LIN7A: variants seen among roughly 807,000 people sequenced by gnomAD.
The protein encoded by LIN7A is protein lin-7 homolog A.
A neutral mutation model predicts 29.8 loss-of-function variants in LIN7A; 25 were observed. That is an observed-to-expected ratio of 0.84 (90% confidence interval 0.61 to 1.17). The LOEUF is 1.17. Ranked by LOEUF, LIN7A falls within the 50% of genes most tolerant of loss-of-function variation. The pLI is 0.00. For missense variants in LIN7A, 239 were observed against 287.0 expected (o/e 0.83, Z 1.21); for synonymous variants, 118 against 107.5 (o/e 1.10, Z -0.60).
intron 4 of LIN7A, among the ~76,000 whole-genome samples, chr12:80,828,971 A>T (rs1271083564): frequency 6.6e-6 from 1 of 152,160 alleles, no homozygotes; most frequent in Non-Finnish European, 1.5e-5. Flanking sequence ...TTCCACACTG[A>T]ATTATTTAAA....
At chr12:80,801,392 G>A (rs1870714559) in intron 5 of LIN7A, among the ~76,000 whole-genome samples, 1 of 152,160 alleles carries the variant, frequency 6.6e-6, no homozygotes, top group Admixed American at 6.6e-5. Flanking sequence ...TACTCGTTTT[G>A]AAGATGGAGG....
chr12:80,893,246 A>G (rs1432270974), intron 1 of LIN7A, among the ~76,000 whole-genome samples: 1 of 152,226 alleles, frequency 6.6e-6, no homozygotes, highest in South Asian at 2.1e-4. Context: ...AAAAGCCCAC[A>G]GATGACAGCA....
intron 1 of LIN7A, among the ~76,000 whole-genome samples, chr12:80,903,092 GACAA>G (rs1248663743): frequency 6.6e-6 from 1 of 151,144 alleles, no homozygotes; most frequent in Non-Finnish European, 1.5e-5. Context: ...AGCTATCTAT[GACAA>G]ACAGACTAGC....
At chr12:80,926,155 G>T (rs904941406) in intron 1 of LIN7A, among the ~76,000 whole-genome samples, 1 of 152,062 alleles carries the variant, frequency 6.6e-6, no homozygotes, top group African/African-American at 2.4e-5. Context: ...TTGCTCTCTG[G>T]AATCATACTA....
At chr12:80,853,383 A>G (rs905162449) in intron 2 of LIN7A, among the ~76,000 whole-genome samples, 2 of 152,198 alleles carry the variant, frequency 1.3e-5, no homozygotes, top group African/African-American at 2.4e-5. Context: ...AAATGAAAAG[A>G]CAAGCCAACT....
At chr12:80,848,736 G>A (rs1726855399) in intron 2 of LIN7A, among the ~76,000 whole-genome samples, 1 of 152,026 alleles carries the variant, frequency 6.6e-6, no homozygotes, top group African/African-American at 2.4e-5. Context: ...AATAGTATAC[G>A]TAAAAATTTA....
At chr12:80,807,083 T>TTTTTTTTTTTTTTTTTTTTTTG (rs1555221413) in intron 5 of LIN7A, among the ~76,000 whole-genome samples, 2 of 137,206 alleles carry the variant, frequency 1.5e-5, no homozygotes, top group Non-Finnish European at 3.1e-5. Flanking sequence ...TTTTTTTTTT[T>TTTTTTTTTTTTTTTTTTTTTTG]TTTTTTTTGA....
intron 2 of LIN7A, 61 bp downstream of exon 2, chr12:80,889,190 A>T: frequency 1.1e-6 from 1 of 883,876 alleles, no homozygotes; most frequent in Non-Finnish European, 1.9e-6. Context: ...TGTAGAGAAG[A>T]CATGTTTTCT....
At chr12:80,854,340 T>C (rs10862204) in intron 2 of LIN7A, among the ~76,000 whole-genome samples, 11,640 of 152,016 alleles carry the variant, frequency 0.077, 610 homozygotes, top group East Asian at 0.21. Context: ...CTTGGGAGCC[T>C]GAGGCAGGAG....
chr12:80,865,069 T>A (rs1435005787), intron 2 of LIN7A, among the ~76,000 whole-genome samples: 1 of 152,206 alleles, frequency 6.6e-6, no homozygotes, highest in African/African-American at 2.4e-5. Flanking sequence ...TGGAGATAAT[T>A]GTCAGCATAG....
chr12:80,875,438 C>A (rs187258118), intron 2 of LIN7A, among the ~76,000 whole-genome samples: 2 of 152,104 alleles, frequency 1.3e-5, no homozygotes, highest in African/African-American at 4.8e-5. Flanking sequence ...ACTTACTACA[C>A]GAAACTCATG....
At chr12:80,820,658 C>CA (rs1555222245) in intron 4 of LIN7A, among the ~76,000 whole-genome samples, 37 of 151,702 alleles carry the variant, frequency 2.4e-4, no homozygotes, top group Non-Finnish European at 4.3e-4. Context: ...CACACACACA[C>CA]CCATCTTCAG....
chr12:80,872,969 T>G (rs1206667463), intron 2 of LIN7A, among the ~76,000 whole-genome samples: 1 of 152,224 alleles, frequency 6.6e-6, no homozygotes, highest in Non-Finnish European at 1.5e-5. Context: ...TAATTTTGCT[T>G]GACTGCCAGT....
chr12:80,917,289 C>T (rs1592949035), intron 1 of LIN7A, among the ~76,000 whole-genome samples: 1 of 152,080 alleles, frequency 6.6e-6, no homozygotes, highest in Admixed American at 6.6e-5. Context: ...TCCATAAAAC[C>T]CATCAGGCCA....
chr12:80,813,793 C>A (rs931416213), intron 4 of LIN7A, among the ~76,000 whole-genome samples: 1 of 152,050 alleles, frequency 6.6e-6, no homozygotes, highest in Non-Finnish European at 1.5e-5. Flanking sequence ...AGCGGATCAC[C>A]AGGGCAGATG....
intron 2 of LIN7A, among the ~76,000 whole-genome samples, chr12:80,865,234 A>T (rs2120444221): frequency 6.6e-6 from 1 of 152,298 alleles, no homozygotes; most frequent in Non-Finnish European, 1.5e-5. Context: ...TCTGTTAAGC[A>T]AGTTATCTCT....
intron 5 of LIN7A, among the ~76,000 whole-genome samples, chr12:80,799,319 G>C (rs1485890703): frequency 6.6e-6 from 1 of 151,876 alleles, no homozygotes; most frequent in Non-Finnish European, 1.5e-5. Flanking sequence ...GTGTCTTGTT[G>C]ATCAAATTGC....
At chr12:80,923,510 C>T (rs1263290838) in intron 1 of LIN7A, among the ~76,000 whole-genome samples, 1 of 152,160 alleles carries the variant, frequency 6.6e-6, no homozygotes, top group Non-Finnish European at 1.5e-5. Context: ...TTAACATCTG[C>T]TATTTTTCAA....
chr12:80,889,306 T>C lies in LIN7A; in HGVS notation c.146A>G (p.Lys49Arg), dbSNP rs551217331. Residue 49 changes from lysine (K) to arginine (R), a missense_variant, in exon 2 of 6, where the codon AAG becomes AGG. Transcript: ENST00000552864. ...LQESGEVPVHKLQSLKKVLQS... is the reference protein window; with the variant it reads ...LQESGEVPVHRLQSLKKVLQS... ...AAGCACTTTTTTGAGGGATTGTAGC[T>C]TGTGCACTGGTACTTCTCCAGATTC... is the stretch of plus-strand genomic sequence containing the variant. The C allele has an allele frequency of 6.2e-7, 1 of 1,613,036 alleles. No homozygotes were observed. The highest frequency in any genetic ancestry group is 1.1e-5 in the South Asian group (1 of 91,058).
Sources: gnomAD v4.1 joint callset for allele counts (sites outside exome capture counted in the v4.1 genomes callset) on GRCh38, gnomAD v4.1.1 for gene constraint, MANE v1.5 for transcripts, NCBI Gene and HGNC (gene_info 2026-07-23, HGNC 2026-07-21) for gene names.